DZIP3: variants seen among roughly 807,000 people sequenced by gnomAD.
The protein encoded by DZIP3 is DAZ interacting zinc finger protein 3, also known as E3 ubiquitin-protein ligase DZIP3.
A neutral mutation model predicts 162.0 loss-of-function variants in DZIP3; 118 were observed. That is an observed-to-expected ratio of 0.73 (90% CI 0.63 to 0.85). DZIP3 has a LOEUF of 0.85. DZIP3 is among the 40% of genes least tolerant of loss of function. DZIP3 has a pLI of 0.00. For synonymous variants in DZIP3, 438 were observed against 458.6 expected, an observed-to-expected ratio of 0.96 and a Z score of 0.57; for missense variants, 1,331 against 1,407.0, an observed-to-expected ratio of 0.95 and a Z score of 0.86.
intron 5 of DZIP3, among the ~76,000 whole-genome samples, chr3:108,621,047 T>C (rs1941308179): frequency 6.6e-6 from 1 of 152,138 alleles, no homozygotes; most frequent in Non-Finnish European, 1.5e-5. Flanking sequence ...GGTCTCGATG[T>C]CCTGACCTTG....
intron 8 of DZIP3, among the ~76,000 whole-genome samples, chr3:108,631,055 A>ACACACACACACACACACATACTCT: frequency 5.6e-5 from 1 of 18,006 alleles, no homozygotes; most frequent in Non-Finnish European, 9.0e-5. Context: ...ACACACACAC[A>ACACACACACACACACACATACTCT]CTCTCTCTCT....
At chr3:108,684,131 G>T in intron 26 of DZIP3, 85 bp from the exon 27 acceptor site, 1 of 1,455,188 alleles carries the variant, frequency 6.9e-7, no homozygotes, top group African/African-American at 1.4e-5. Context: ...CCATATTGCT[G>T]TATGAATTTA....
At chr3:108,619,325 T>TGTGTGTGTG (rs1407901267) in intron 5 of DZIP3, among the ~76,000 whole-genome samples, 2 of 149,696 alleles carry the variant, frequency 1.3e-5, no homozygotes, top group African/African-American at 5.0e-5. Flanking sequence ...TGTGTGTGTG[T>TGTGTGTGTG]TTTGTTTTAT....
chr3:108,672,148 T>G (rs1943947687), intron 22 of DZIP3, among the ~76,000 whole-genome samples: 1 of 151,900 alleles, frequency 6.6e-6, no homozygotes, highest in Non-Finnish European at 1.5e-5. Context: ...TCATTGGAGT[T>G]CCGCCCTTAT....
At chr3:108,635,679 A>G (rs1942116993) in intron 10 of DZIP3, among the ~76,000 whole-genome samples, 1 of 147,794 alleles carries the variant, frequency 6.8e-6, no homozygotes, top group South Asian at 2.1e-4. Context: ...ATAATATATA[A>G]CATAACTGTT....
intron 26 of DZIP3, among the ~76,000 whole-genome samples, chr3:108,683,201 T>A (rs1461627646): frequency 6.6e-6 from 1 of 150,870 alleles, no homozygotes; most frequent in East Asian, 1.9e-4. Context: ...GAGGAACTCT[T>A]ACTGGATATA....
Position 108,662,245 on chromosome 3 carries a change from A to G in DZIP3, c.2411A>G (p.Asn804Ser). 3.1e-6 allele frequency: 5 copies of G among 1,591,932 alleles called. No homozygotes were observed. Among genetic ancestry groups the G allele is most frequent in the Non-Finnish European group, 4.3e-6 (5 of 1,174,096 alleles). Residue 804 changes from asparagine (N) to serine (S), a missense_variant, in exon 21 of 33, where the codon AAT (asparagine) becomes AGT (serine). This residue lies in a region of DZIP3 where 1,278 missense variants were observed against 1,317.1 expected (regional missense o/e 0.97). Coordinates refer to ENST00000361582, the MANE Select transcript of DZIP3 (RefSeq NM_014648.4). ...SLNQQVAFGI[N>S]KVSKLQRQIH... is the part of the protein sequence containing the mutation. ...AATCAACAAGTTGCTTTTGGAATCA[A>G]TAAGGTTTCCAAGTAAGTGTAAATC...
intron 26 of DZIP3, among the ~76,000 whole-genome samples, chr3:108,681,954 G>C (rs1444309303): frequency 6.7e-6 from 1 of 150,276 alleles, no homozygotes; most frequent in Non-Finnish European, 1.5e-5. Flanking sequence ...GGGAGGGATA[G>C]CATTAGGAGA....
chr3:108,657,898 T>C (rs955099615), intron 19 of DZIP3, among the ~76,000 whole-genome samples: 1 of 152,172 alleles, frequency 6.6e-6, no homozygotes, highest in Non-Finnish European at 1.5e-5. Context: ...AAAGAAGGTC[T>C]TTACATAATG....
chr3:108,608,927 G>A (rs566130758), intron 3 of DZIP3, among the ~76,000 whole-genome samples: 1 of 152,114 alleles, frequency 6.6e-6, no homozygotes, highest in Non-Finnish European at 1.5e-5. Flanking sequence ...GGACAGGAGG[G>A]GGCATGGCTG....
intron 2 of DZIP3, 146 bp downstream of exon 2, chr3:108,605,584 TG>T (rs1227383590): frequency 5.3e-6 from 4 of 757,002 alleles, no homozygotes; most frequent in Non-Finnish European, 8.5e-6. Flanking sequence ...TCACAAGGAG[TG>T]GGCAACTTAG....
intron 5 of DZIP3, among the ~76,000 whole-genome samples, chr3:108,617,355 C>T (rs1006048194): frequency 6.6e-5 from 10 of 151,570 alleles, no homozygotes; most frequent in African/African-American, 1.2e-4. Context: ...TTTATAATGT[C>T]GTATATGATA....
chr3:108,617,896 A>G (rs1941104133), intron 5 of DZIP3, among the ~76,000 whole-genome samples: 1 of 152,210 alleles, frequency 6.6e-6, no homozygotes, highest in African/African-American at 2.4e-5. Flanking sequence ...CTTAGACATT[A>G]CTTCAAAGAT....
chr3:108,669,934 A>G (rs1401245205), intron 22 of DZIP3, among the ~76,000 whole-genome samples, 185 bp downstream of exon 22: 1 of 151,782 alleles, frequency 6.6e-6, no homozygotes, highest in Admixed American at 6.6e-5. Context: ...GCAAATAGGG[A>G]GGTATGGTCA....
intron 1 of DZIP3, among the ~76,000 whole-genome samples, chr3:108,596,027 G>A (rs1457782643): frequency 6.6e-6 from 1 of 152,148 alleles, no homozygotes; most frequent in East Asian, 1.9e-4. Context: ...GAATGATAGC[G>A]GTAAGTATTA....
intron 1 of DZIP3, among the ~76,000 whole-genome samples, chr3:108,593,676 CTT>C (rs79432134): frequency 0.022 from 2,605 of 120,980 alleles, 79 homozygotes; most frequent in African/African-American, 0.073. Flanking sequence ...GAATTTCTTT[CTT>C]TTTTTTTTTT....
At chr3:108,594,397 C>A (rs1159671517) in intron 1 of DZIP3, among the ~76,000 whole-genome samples, 3 of 147,412 alleles carry the variant, frequency 2.0e-5, no homozygotes, top group Non-Finnish European at 4.5e-5. Context: ...ATCTCTCTCT[C>A]TCTCTCTCCC....
chr3:108,690,912 G>T lies in DZIP3; in HGVS notation c.*6+9G>T, dbSNP rs1411160691. On this transcript the variant is annotated intron_variant, in intron 32 of 32. Coordinates refer to ENST00000361582, the MANE Select transcript of DZIP3 (RefSeq NM_014648.4). The stretch of plus-strand genomic sequence containing the variant: ...CCAAGATCTGATACAAGGTCGGGGT[G>T]TCTATGCAAAGGAAGCTCAGTTTTC... 6.2e-7 allele frequency: 1 copy of T among 1,612,246 alleles called. No individual in the cohort carries two copies.
intron 12 of DZIP3, among the ~76,000 whole-genome samples, chr3:108,638,022 T>A (rs1300044382): frequency 6.6e-6 from 1 of 152,158 alleles, no homozygotes; most frequent in Admixed American, 6.5e-5. Context: ...TCCCAGTCAA[T>A]TGATTCTCTT....
Sources: gnomAD v4.1 joint callset for allele counts (sites outside exome capture counted in the v4.1 genomes callset) on GRCh38, gnomAD v4.1.1 for gene constraint, gnomAD v4.1.1 regional missense constraint, MANE v1.5 for transcripts, NCBI Gene and HGNC (gene_info 2026-07-23, HGNC 2026-07-21) for gene names.